TRIO: variants seen among roughly 807,000 people sequenced by gnomAD.
The protein encoded by TRIO is trio Rho guanine nucleotide exchange factor.
In TRIO, 58 loss-of-function variants were observed where a neutral mutation model predicts 351.9. That is an observed-to-expected ratio of 0.16 (90% confidence interval 0.13 to 0.21). The LOEUF (loss-of-function observed/expected upper bound fraction) is 0.21, where lower values mean the gene tolerates loss of function less well. Among genes scored for constraint, TRIO ranks in the 10% least tolerant of loss-of-function variants. The pLI, the probability that TRIO is intolerant of heterozygous loss-of-function variation, is 1.00. For missense variants in TRIO, 3,201 were observed against 4,027.8 expected, an observed-to-expected ratio of 0.79 and a Z score of 5.56; for synonymous variants, 1,758 against 1,595.7, an observed-to-expected ratio of 1.10 and a Z score of -2.42.
intron 1 of TRIO, among the ~76,000 whole-genome samples, chr5:14,267,872 C>G (rs1243938936): frequency 2.0e-5 from 3 of 152,040 alleles, no homozygotes; most frequent in South Asian, 4.2e-4. Context: ...TATTTTTGCC[C>G]TTTTTATATT....
At position 14,487,758 on chromosome 5, in the gene TRIO, C is replaced by T. The variant is rs1212377979; in HGVS notation, c.7130C>T (p.Pro2377Leu). The part of the protein sequence containing the change: ...SGTSTPGPSL[P>L]PPGAAPEAGP... ...ACGTCCACCCCCGGGCCCTCCCTGCCTCCCCCTGGCGCGGCCCCCGAGGCC... is the reference window on the plus strand; with the variant it reads ...ACGTCCACCCCCGGGCCCTCCCTGCTTCCCCCTGGCGCGGCCCCCGAGGCC... The change falls in exon 48 of 57, where the codon CCT (proline) becomes CTT (leucine). Residue 2377 changes from proline to leucine, a missense_variant. By Grantham distance (98) the Pro-to-Leu change is moderately conservative. Coordinates refer to ENST00000344204, the MANE Select transcript of TRIO (RefSeq NM_007118.4). 5.0e-6 allele frequency: 7 copies of T among 1,386,602 alleles called. No individual in the cohort carries two copies. Among genetic ancestry groups the T allele is most frequent in the South Asian group, 3.3e-5 (2 of 60,798 alleles). 85.9% of individuals were successfully genotyped at this position (1,386,602 alleles called of 1,614,324 possible). A position where few individuals can be genotyped will look rare whatever the true frequency, so the allele number is the denominator to read the frequency against.
chr5:14,177,164 A>T (rs73055564), intron 1 of TRIO, among the ~76,000 whole-genome samples: 1,694 of 152,282 alleles, frequency 0.011, 30 homozygotes, highest in African/African-American at 0.038. Flanking sequence ...CAGGTGATTT[A>T]TTCTGGAATT....
intron 1 of TRIO, chr5:14,184,026 G>A: frequency 1.4e-6 from 1 of 693,328 alleles, no homozygotes; most frequent in Non-Finnish European, 2.6e-6. Flanking sequence ...GTGGCTCGAG[G>A]GTTTCTCTAG....
intron 34 of TRIO, among the ~76,000 whole-genome samples, chr5:14,425,229 T>C (rs1019233669): frequency 1.3e-5 from 2 of 152,148 alleles, no homozygotes; most frequent in Non-Finnish European, 2.9e-5. Context: ...AACCCTCCGC[T>C]CTCTCCTCCC....
chr5:14,488,366 C>T (rs1450253628), intron 48 of TRIO, 106 bp downstream of exon 48: 13 of 1,450,234 alleles, frequency 9.0e-6, no homozygotes, highest in Non-Finnish European at 1.2e-5. Flanking sequence ...CAGCGCTCTC[C>T]GCCGCCCGTT....
chr5:14,396,636 A>T (rs1747621323), intron 28 of TRIO, among the ~76,000 whole-genome samples: 1 of 142,610 alleles, frequency 7.0e-6, no homozygotes, highest in Admixed American at 7.0e-5. Flanking sequence ...TGCCCAGCTA[A>T]TTTTTTTTTT....
intron 11 of TRIO, among the ~76,000 whole-genome samples, chr5:14,340,733 T>A (rs1484759188): frequency 1.3e-5 from 2 of 152,214 alleles, no homozygotes; most frequent in Non-Finnish European, 2.9e-5. Context: ...GAAGTCTTGT[T>A]GAAGACCAGG....
chr5:14,275,457 T>C (rs1735408548), intron 2 of TRIO, among the ~76,000 whole-genome samples: 1 of 152,160 alleles, frequency 6.6e-6, no homozygotes, highest in African/African-American at 2.4e-5. Context: ...CAATTTTAAG[T>C]AAAACTTAGC....
At chr5:14,180,248 C>T (rs1789688596) in intron 1 of TRIO, among the ~76,000 whole-genome samples, 1 of 151,894 alleles carries the variant, frequency 6.6e-6, no homozygotes, top group Non-Finnish European at 1.5e-5. Context: ...CAGTCTGTGG[C>T]CTGAATTTCC....
intron 11 of TRIO, among the ~76,000 whole-genome samples, chr5:14,353,659 G>A (rs114391900): frequency 0.051 from 7,818 of 152,206 alleles, 234 homozygotes; most frequent in African/African-American, 0.068. Context: ...TACACCCTAG[G>A]AAGTGTTAAG....
chr5:14,419,816 C>T lies in TRIO; in HGVS notation c.4998C>T (p.Asp1666=). 1 of 1,614,214 alleles carries T rather than the reference C, an allele frequency of 6.2e-7. No individual in the cohort carries two copies. The highest frequency in any genetic ancestry group is 1.3e-5 in the African/African-American group (1 of 75,052). ...GTGAGCTGACAGTGGTGATCCATGACTTCACCGCTTGCAACAGCAACGAGC... is the reference window on the plus strand; with the variant it reads ...GTGAGCTGACAGTGGTGATCCATGATTTCACCGCTTGCAACAGCAACGAGC... The part of the protein sequence containing the change: ...GGCELTVVIH[D]FTACNSNELT... The change falls in exon 34 of 57, where the codon GAC becomes GAT. Residue 1666 remains aspartate, a synonymous_variant. Coordinates refer to ENST00000344204, the MANE Select transcript of TRIO (RefSeq NM_007118.4).
intron 9 of TRIO, among the ~76,000 whole-genome samples, chr5:14,330,121 C>T (rs372448364): frequency 1.7e-4 from 26 of 152,318 alleles, no homozygotes; most frequent in African/African-American, 4.6e-4. Flanking sequence ...GTTCCAACTA[C>T]GAAGTTTAAA....
At chr5:14,386,376 G>C (rs2152360108) in intron 21 of TRIO, among the ~76,000 whole-genome samples, 1 of 152,116 alleles carries the variant, frequency 6.6e-6, no homozygotes, top group East Asian at 1.9e-4. Flanking sequence ...GAGTCTGGAG[G>C]ATCTTGACAG....
At chr5:14,370,551 G>A (rs56114434) in intron 18 of TRIO, among the ~76,000 whole-genome samples, 5,085 of 152,116 alleles carry the variant, frequency 0.033, 310 homozygotes, top group African/African-American at 0.12. Flanking sequence ...AACACTTTCT[G>A]TGTTTTTTTC....
At chr5:14,460,571 T>C (rs1753704471) in intron 34 of TRIO, among the ~76,000 whole-genome samples, 1 of 152,258 alleles carries the variant, frequency 6.6e-6, no homozygotes, top group South Asian at 2.1e-4. Flanking sequence ...ACAGTAAGCA[T>C]GTCAGTTGGC....
chr5:14,492,448 C>G, intron 48 of TRIO, 119 bp from the exon 49 acceptor site: 1 of 1,388,252 alleles, frequency 7.2e-7, no homozygotes, highest in South Asian at 1.4e-5. Flanking sequence ...TCGGTGCTTG[C>G]CTGGTGAGCC....
chr5:14,505,397 G>T (rs1037379403), intron 55 of TRIO, among the ~76,000 whole-genome samples: 1 of 152,218 alleles, frequency 6.6e-6, no homozygotes, highest in Non-Finnish European at 1.5e-5. Flanking sequence ...CTTTTTAGGG[G>T]GAGTCATTTT....
intron 33 of TRIO, among the ~76,000 whole-genome samples, chr5:14,408,950 T>G (rs549882450): frequency 6.6e-6 from 1 of 152,294 alleles, no homozygotes; most frequent in East Asian, 1.9e-4. Context: ...GGTTCCTTTT[T>G]TGGAAGTTGG....
At chr5:14,433,297 G>A (rs1447234493) in intron 34 of TRIO, among the ~76,000 whole-genome samples, 1 of 152,248 alleles carries the variant, frequency 6.6e-6, no homozygotes, top group Non-Finnish European at 1.5e-5. Flanking sequence ...ATTGGCAACT[G>A]TGCTAGAAAG....
Sources: allele counts gnomAD v4.1 joint callset (sites outside exome capture counted in the v4.1 genomes callset), GRCh38; gene constraint gnomAD v4.1.1; transcripts MANE v1.5; gene names NCBI Gene and HGNC (gene_info 2026-07-23, HGNC 2026-07-21).